Variants in DBT observed in about 807,000 individuals in gnomAD.
DBT encodes the protein lipoamide acyltransferase component of branched-chain alpha-keto acid dehydrogenase complex, mitochondrial.
A neutral mutation model predicts 51.3 loss-of-function variants in DBT; 40 were observed. The observed-to-expected ratio is 0.78, with a 90% CI of 0.61 to 1.02. The LOEUF is 1.02. Ranked by LOEUF, DBT falls within the 50% of genes least tolerant of loss-of-function variation. The probability of loss-of-function intolerance (pLI) is 0.00; values close to 1 mark genes in which losing one functional copy is unlikely to be tolerated. For missense variants in DBT, 510 were observed against 580.2 expected (o/e 0.88, Z 1.24); for synonymous variants, 181 against 190.4 (o/e 0.95, Z 0.41).
rs903423309 is a variant in DBT, at chr1:100,189,643, G to A, written c.*6612C>T. 4 of 152,308 alleles carry A rather than the reference G, an allele frequency of 2.6e-5. No individual in the cohort carries two copies. In the East Asian group the frequency reaches 5.8e-4, roughly 22 times the overall value. The allele number at this position is 152,308 out of a possible 1,614,324, so 9.4% of individuals were successfully genotyped here. ...AAAGCCAGGATTGCAAGGAGTTAAAGATCACCCATTCAAGAAGTTTGGCAG... is the reference window on the plus strand; with the variant it reads ...AAAGCCAGGATTGCAAGGAGTTAAAAATCACCCATTCAAGAAGTTTGGCAG... On this transcript the variant is annotated 3_prime_UTR_variant, in exon 11 of 11. Coordinates refer to ENST00000370132, the MANE Select transcript of DBT (RefSeq NM_001918.5).
chr1:100,230,793 G>C lies in DBT; in HGVS notation c.373C>G (p.Leu125Val). 6.2e-7 allele frequency: 1 copy of C among 1,611,094 alleles called. No homozygotes were observed. The highest frequency in any genetic ancestry group is 8.5e-7 in the Non-Finnish European group (1 of 1,177,562). Residue 125 changes from leucine to valine, a missense_variant, in exon 4 of 11, where the codon CTA (leucine) becomes GTA (valine). Transcript: ENST00000370132. ...TTCCCCACATAGGCAATATCGTCTA[G>C]ATTATAATAGAGTTTTTTAATGACT... Reference protein sequence around the residue: ...DGVIKKLYYNLDDIAYVGKPL... With the variant: ...DGVIKKLYYNVDDIAYVGKPL...
chr1:100,211,200 C>T (rs917688348), intron 7 of DBT: 11 of 745,800 alleles, frequency 1.5e-5, no homozygotes, highest in Middle Eastern at 2.3e-4. Context: ...GATTTCAAAG[C>T]GCACTGACCA....
rs537436706 is a variant in DBT, at chr1:100,211,413, G to A, written c.940-642C>T. On this transcript the variant is annotated intron_variant, in intron 7 of 10. Coordinates refer to ENST00000370132, the MANE Select transcript of DBT (RefSeq NM_001918.5). ...GTACCCAAAATGTTCTTGATAATCTGTTTTTGGGATCTAATAATCAAGTTT... is the reference window on the plus strand; with the variant it reads ...GTACCCAAAATGTTCTTGATAATCTATTTTTGGGATCTAATAATCAAGTTT... Among the ~76,000 whole-genome samples the A allele has an allele frequency of 2.0e-5, 3 of 152,264 alleles. No individual in the cohort carries two copies. The East Asian group carries it at 5.8e-4, about 29-fold the overall frequency.
chr1:100,229,609 T>C (rs1459838821), intron 4 of DBT, among the ~76,000 whole-genome samples: 1 of 152,244 alleles, frequency 6.6e-6, no homozygotes, highest in African/African-American at 2.4e-5. Flanking sequence ...TTCCACCGAC[T>C]GTAGAACTAA....
intron 3 of DBT, among the ~76,000 whole-genome samples, chr1:100,231,121 T>C (rs1274586300): frequency 6.6e-6 from 1 of 152,220 alleles, no homozygotes; most frequent in Non-Finnish European, 1.5e-5. Flanking sequence ...AAAAAAATTT[T>C]AAGCAATTCA....
At chr1:100,221,962 T>C (rs1015071455) in intron 4 of DBT, among the ~76,000 whole-genome samples, 3 of 152,216 alleles carry the variant, frequency 2.0e-5, no homozygotes, top group Non-Finnish European at 4.4e-5. Flanking sequence ...AATACTAAAG[T>C]ATTCAAGTGT....
rs148571335 is a variant in DBT at position 100,210,747 on chromosome 1, A to G, written c.964T>C (p.Phe322Leu). The G allele has an allele frequency of 3.0e-5, 48 of 1,613,796 alleles. No homozygotes were observed. In the African/African-American group the frequency reaches 6.1e-4, roughly 21 times the overall value. The stretch of plus-strand genomic sequence containing the variant: ...TCCACAGAAGCGTTAAGGATAGGAA[A>G]CTGTAGTAATCCCAAGGAAGCAGCC... ...LKAASLGLLQFPILNASVDEN... is the reference protein window; with the variant it reads ...LKAASLGLLQLPILNASVDEN... Residue 322 changes from phenylalanine (F) to leucine (L), a missense_variant, in exon 8 of 11, where the codon TTT (phenylalanine) becomes CTT (leucine). Coordinates refer to ENST00000370132, the MANE Select transcript of DBT (RefSeq NM_001918.5).
chr1:100,210,470 A>G, intron 8 of DBT: 2 of 508,710 alleles, frequency 3.9e-6, no homozygotes, highest in Non-Finnish European at 6.6e-6. Context: ...TATTTTAAGC[A>G]GGAAAAAAAA....
chr1:100,249,175 T>G, intron 1 of DBT: 5 of 805,760 alleles, frequency 6.2e-6, no homozygotes, highest in Non-Finnish European at 7.6e-6. Context: ...TGCTTGGTGC[T>G]AAGACTGGGA....
chr1:100,247,339 C>T (rs943089552), intron 1 of DBT, among the ~76,000 whole-genome samples: 2 of 152,214 alleles, frequency 1.3e-5, no homozygotes, highest in African/African-American at 4.8e-5. Context: ...GCCAAGACAC[C>T]TCCAGTTGAG....
chr1:100,211,077 G>A lies in DBT; in HGVS notation c.940-306C>T, dbSNP rs748342999. 123 of 778,078 alleles carry A rather than the reference G, an allele frequency of 1.6e-4. No homozygotes were observed. The Admixed American group carries it at 2.1e-3, about 13-fold the overall frequency. 48.2% of individuals were successfully genotyped at this position (778,078 alleles called of 1,614,324 possible). A position where few individuals can be genotyped will look rare whatever the true frequency, so the allele number is the denominator to read the frequency against. On this transcript the variant is annotated intron_variant, in intron 7 of 10. Coordinates refer to ENST00000370132, the MANE Select transcript of DBT (RefSeq NM_001918.5). ...CAAAGAAAATGTCTAAATTCTAGGT[G>A]ATTTCCTCACTGACATGTTGATCTT...
At chr1:100,203,575 A>C (rs1436136754) in intron 10 of DBT, among the ~76,000 whole-genome samples, 1 of 152,240 alleles carries the variant, frequency 6.6e-6, no homozygotes, top group Non-Finnish European at 1.5e-5. Context: ...ACAGAAAAAA[A>C]GGGAATCCTC....
At chr1:100,198,527 A>G (rs1661238872) in intron 10 of DBT, among the ~76,000 whole-genome samples, 1 of 152,362 alleles carries the variant, frequency 6.6e-6, no homozygotes, top group Non-Finnish European at 1.5e-5. Flanking sequence ...ACATATACAC[A>G]TATAATTCAG....
At chr1:100,209,923 G>A (rs1331316340) in intron 8 of DBT, among the ~76,000 whole-genome samples, 1 of 152,002 alleles carries the variant, frequency 6.6e-6, no homozygotes, top group Non-Finnish European at 1.5e-5. Context: ...AAGAGTTTTC[G>A]GTCTTAAGAA....
intron 4 of DBT, among the ~76,000 whole-genome samples, chr1:100,225,792 T>A (rs1016835417): frequency 8.2e-6 from 1 of 121,714 alleles, no homozygotes; most frequent in Admixed American, 1.2e-4. Flanking sequence ...GCCACTGCAC[T>A]CCAGCCTGGG....
chr1:100,236,667 T>A (rs1487699824), intron 2 of DBT, among the ~76,000 whole-genome samples: 7 of 152,312 alleles, frequency 4.6e-5, no homozygotes, highest in Admixed American at 2.6e-4. Flanking sequence ...AAATTTTTTT[T>A]AAATCAACAT....
intron 2 of DBT, among the ~76,000 whole-genome samples, chr1:100,238,224 TCCTCCCTTCCTTC>T (rs1445553452): frequency 7.7e-6 from 1 of 130,628 alleles, no homozygotes; most frequent in African/African-American, 2.8e-5. Context: ...TCGCTTCCTT[TCCTCCCTTCCTTC>T]CCTCACTTCC....
intron 4 of DBT, among the ~76,000 whole-genome samples, chr1:100,230,507 T>C (rs972687674): frequency 7.2e-5 from 11 of 151,934 alleles, no homozygotes; most frequent in Non-Finnish European, 1.2e-4. Flanking sequence ...TATTGCCTTT[T>C]CCCCCCCACC....
chr1:100,199,314 G>A (rs1661293910), intron 10 of DBT, among the ~76,000 whole-genome samples: 1 of 152,190 alleles, frequency 6.6e-6, no homozygotes, highest in Non-Finnish European at 1.5e-5. Context: ...AACACTCCCA[G>A]TGATTCCTGA....
Sources: gnomAD v4.1 joint callset for allele counts (sites outside exome capture counted in the v4.1 genomes callset) on GRCh38, gnomAD v4.1.1 for gene constraint, MANE v1.5 for transcripts, NCBI Gene and HGNC (gene_info 2026-07-23, HGNC 2026-07-21) for gene names.